The following ATP2A3 variants were observed in gnomAD, a reference collection of about 807,000 sequenced individuals.
ATP2A3 encodes ATPase sarcoplasmic/endoplasmic reticulum Ca2+ transporting 3.
ATP2A3 carries 61 observed loss-of-function variants against 106.8 expected under a neutral mutation model. That is an observed-to-expected ratio of 0.57 (90% CI 0.46 to 0.71). The LOEUF (loss-of-function observed/expected upper bound fraction) is 0.71. Ranked by LOEUF, ATP2A3 falls within the 30% of genes least tolerant of loss-of-function variation. The pLI is 0.00. For synonymous variants in ATP2A3, 611 were observed against 609.3 expected, an observed-to-expected ratio of 1.00 and a Z score of -0.04; for missense variants, 1,201 against 1,423.5, an observed-to-expected ratio of 0.84 and a Z score of 2.52.
Position 3,947,298 on chromosome 17 carries a change from A to T in ATP2A3, c.1095+93T>A. 6.9e-7 allele frequency: 1 copy of T among 1,443,268 alleles called. No individual in the cohort carries two copies. The allele number at this position is 1,443,268 out of a possible 1,614,324, so 89.4% of individuals were successfully genotyped here. A position where few individuals can be genotyped will look rare whatever the true frequency, so the allele number is the denominator to read the frequency against. The stretch of plus-strand genomic sequence containing the variant: ...GGACAGCCCACAGATTCTCTCCTCC[A>T]TCCCTCACTGAAAAGGAGGTGGGGG... On this transcript the variant is annotated intron_variant, in intron 8 of 20. Transcript: ENST00000397041. This position sits in a 1 kb window ranked among gnomAD's most constrained non-coding sequence, Gnocchi z 7.7.
At chr17:3,951,558 G>GCCCCCCCCCAGCCCCCCC in intron 4 of ATP2A3, 23 bp downstream of exon 4, 1 of 716,234 alleles carries the variant, frequency 1.4e-6, no homozygotes, top group Non-Finnish European at 2.1e-6. Flanking sequence ...CCCCCGCCCG[G>GCCCCCCCCCAGCCCCCCC]TCCCACCCCC....
At position 3,924,093 on chromosome 17, in the gene ATP2A3, C is replaced by T. The variant is rs887018627; in HGVS notation, c.*1329G>A. The T allele has an allele frequency of 1.1e-4, 16 of 151,990 alleles. No homozygotes were observed. The highest frequency in any genetic ancestry group is 3.6e-4 in the African/African-American group (15 of 41,358). The allele number at this position is 151,990 out of a possible 1,614,324, so 9.4% of individuals were successfully genotyped here. The stretch of plus-strand genomic sequence containing the variant: ...AGGCGTAGGGGAGGGGGCTACAGAA[C>T]ATGGAGCCCATTGGTCTGCAAGGCA... On this transcript the variant is annotated 3_prime_UTR_variant, in exon 21 of 21. Coordinates refer to ENST00000397041, the MANE Select transcript of ATP2A3 (RefSeq NM_005173.4). This position sits in a 1 kb window ranked among gnomAD's most constrained non-coding sequence, Gnocchi z 6.4.
At position 3,942,827 on chromosome 17, in the gene ATP2A3, C is replaced by T. The variant is rs1293502801; in HGVS notation, c.1420-96G>A. On this transcript the variant is annotated intron_variant, in intron 11 of 20. Transcript: ENST00000397041. ...CTTGGCCCCAAGAGAGCCTCTTGCT[C>T]TGTGTGGGATGACATCTACACTCCT... 2.5e-6 allele frequency: 4 copies of T among 1,570,806 alleles called. No homozygotes were observed. In the African/African-American group the frequency reaches 5.4e-5, roughly 21 times the overall value.
In ATP2A3 at chr17:3,930,641, G is replaced by T. The variant is rs377425047; in HGVS notation, c.2611-207C>A. 1.1e-4 allele frequency: 77 copies of T among 676,510 alleles called. No homozygotes were observed. The East Asian group carries it at 1.5e-3, about 13-fold the overall frequency. The allele number at this position is 676,510 out of a possible 1,614,324, so 41.9% of individuals were successfully genotyped here. On this transcript the variant is annotated intron_variant, in intron 17 of 20. Coordinates refer to ENST00000397041, the MANE Select transcript of ATP2A3 (RefSeq NM_005173.4). The surrounding 1 kb of genome is among the most constrained non-coding windows in gnomAD (Gnocchi z 5.4). ...CTGCACCGTGCCAGGGAGAAGCAAG[G>T]GCACAGCGTGGGAAAGGCAGACGTT... is the stretch of plus-strand genomic sequence containing the variant.
At chr17:3,957,403 C>A (rs2054845201) in intron 1 of ATP2A3, among the ~76,000 whole-genome samples, 1 of 152,168 alleles carries the variant, frequency 6.6e-6, no homozygotes, top group South Asian at 2.1e-4. Context: ...TACCGCTCAC[C>A]CAAGCTCATC....
In ATP2A3 at chr17:3,953,075, C is replaced by T. The variant is rs1041506520; in HGVS notation, c.219+272G>A. 3.9e-5 allele frequency among the ~76,000 whole-genome samples: 6 copies of T among 151,920 alleles called. No homozygotes were observed. The highest frequency in any genetic ancestry group is 9.7e-5 in the African/African-American group (4 of 41,320). ...AACCCTAGGGTACAGCAGGGCGGGG[C>T]GGGGGGCAGATGTGAGTTGGGGAGC... On this transcript the variant is annotated intron_variant, in intron 3 of 20. Transcript: ENST00000397041. This position sits in a 1 kb window ranked among gnomAD's most constrained non-coding sequence, Gnocchi z 5.1.
Position 3,925,175 on chromosome 17 carries a change from G to C in ATP2A3, c.*247C>G, listed in dbSNP as rs551658740. ...CTGCAGCTCCTGGGCCAGAGCTGCA[G>C]AGCAGGGAACTTCCCAGGAGAGTCC... On this transcript the variant is annotated 3_prime_UTR_variant, in exon 21 of 21. Transcript: ENST00000397041. This position sits in a 1 kb window ranked among gnomAD's most constrained non-coding sequence, Gnocchi z 4.2. The C allele has an allele frequency of 4.8e-6, 3 of 620,716 alleles. No individual in the cohort carries two copies. The African/African-American group carries it at 5.5e-5, about 11-fold the overall frequency. The allele number at this position is 620,716 out of a possible 1,614,324, so 38.5% of individuals were successfully genotyped here. A position where few individuals can be genotyped will look rare whatever the true frequency, so the allele number is the denominator to read the frequency against.
At chr17:3,951,182 A>G in intron 5 of ATP2A3, 69 bp downstream of exon 5, 1 of 1,172,054 alleles carries the variant, frequency 8.5e-7, no homozygotes, top group Non-Finnish European at 1.1e-6. Context: ...CAAAAAATAA[A>G]TAAATAAATA....
At chr17:3,938,474 G>T (rs2053568484) in intron 14 of ATP2A3, among the ~76,000 whole-genome samples, 2 of 151,978 alleles carry the variant, frequency 1.3e-5, no homozygotes, top group South Asian at 2.1e-4. Context: ...TCAACATAAA[G>T]CATTACATTG....
Position 3,928,671 on chromosome 17 carries a change from T to C in ATP2A3, c.2972A>G (p.His991Arg). 1 of 1,550,622 alleles carries C rather than the reference T, an allele frequency of 6.4e-7. No homozygotes were observed. The highest frequency in any genetic ancestry group is 1.2e-5 in the South Asian group (1 of 84,048). The change falls in exon 20 of 21, where the codon CAC (histidine) becomes CGC (arginine). Residue 991 changes from histidine to arginine, a missense_variant. Physicochemically the swap from His to Arg is conservative, Grantham distance 29. Coordinates refer to ENST00000397041, the MANE Select transcript of ATP2A3 (RefSeq NM_005173.4). The surrounding 1 kb of genome is among the most constrained non-coding windows in gnomAD (Gnocchi z 6.1). ...CGGGGCCTCCCACTCACCGTGCATG[T>C]GGTTCCGGGACAGGTACTTGAGGGC... ...DEALKYLSRN[H>R]MHEEMSQK
intron 8 of ATP2A3, among the ~76,000 whole-genome samples, chr17:3,946,229 T>G (rs2054106660): frequency 8.1e-6 from 1 of 123,508 alleles, no homozygotes; most frequent in African/African-American, 3.2e-5. Context: ...GGCAACAGAG[T>G]GAGACTCCAT....
At position 3,964,280 on chromosome 17, in the gene ATP2A3, C is replaced by G. The variant is rs1011902685; in HGVS notation, c.12G>C (p.Ala4=). The G allele has an allele frequency of 7.9e-7, 1 of 1,271,222 alleles. No individual in the cohort carries two copies. The highest frequency in any genetic ancestry group is 1.0e-6 in the Non-Finnish European group (1 of 995,192). 78.7% of individuals were successfully genotyped at this position (1,271,222 alleles called of 1,614,324 possible). Residue 4 remains alanine, a synonymous_variant, in exon 1 of 21, where the codon GCG becomes GCC. Transcript: ENST00000397041. MEA[A]HLLPAADVLR... ...GCACGTCGGCGGCCGGGAGCAGATG[C>G]GCCGCCTCCATGCCGCCCGCCCGGC...
Position 3,942,658 on chromosome 17 carries a change from C to T in ATP2A3, c.1493G>A (p.Cys498Tyr). 6.2e-7 allele frequency: 1 copy of T among 1,613,494 alleles called. No homozygotes were observed. The highest frequency in any genetic ancestry group is 1.3e-5 in the African/African-American group (1 of 75,024). ...SRDRKSMSVY[C>Y]TPTRPHPTGQ... ...AGTAGGGTGAGGGCGGGTGGGCGTG[C>T]AGTACACGGACATGGATTTCCGGTC... The change falls in exon 12 of 21, where the codon TGC becomes TAC. Residue 498 changes from cysteine (C) to tyrosine (Y), a missense_variant. Physicochemically the swap from Cys to Tyr is radical, Grantham distance 194. This residue lies in a region of ATP2A3 where 935 missense variants were observed against 1,176.7 expected (regional missense o/e 0.79). Transcript: ENST00000397041.
In ATP2A3 at chr17:3,953,287, G is replaced by T; in HGVS notation, c.219+60C>A. ...CTCCAGGACCTCGGAGCACTGCCCA[G>T]CCTGGCTCTCCCTCCAGGGCTACCG... On this transcript the variant is annotated intron_variant, in intron 3 of 20. Coordinates refer to ENST00000397041, the MANE Select transcript of ATP2A3 (RefSeq NM_005173.4). The surrounding 1 kb of genome is among the most constrained non-coding windows in gnomAD (Gnocchi z 5.1). 6.3e-7 allele frequency: 1 copy of T among 1,575,494 alleles called. No individual in the cohort carries two copies. Among genetic ancestry groups the T allele is most frequent in the Non-Finnish European group, 8.7e-7 (1 of 1,145,566 alleles).
At chr17:3,948,957 C>T (rs554369332) in intron 7 of ATP2A3, among the ~76,000 whole-genome samples, 5 of 152,060 alleles carry the variant, frequency 3.3e-5, no homozygotes, top group African/African-American at 7.2e-5. Context: ...GGTGAAACCC[C>T]GTCTCTAGTA....
rs1250916791 is a variant in ATP2A3, at chr17:3,926,175, A to G, written c.2981-734T>C. On this transcript the variant is annotated intron_variant, in intron 20 of 20. Coordinates refer to ENST00000397041, the MANE Select transcript of ATP2A3 (RefSeq NM_005173.4). This position sits in a 1 kb window ranked among gnomAD's most constrained non-coding sequence, Gnocchi z 4.6. ...TCTCCCCAGGACACATCCCTCGTAA[A>G]TGACATAAATCACGGGGAAGCCACA... Among the ~76,000 whole-genome samples the G allele has an allele frequency of 6.6e-6, 1 of 152,124 alleles. No homozygotes were observed. Among genetic ancestry groups the G allele is most frequent in the African/African-American group, 2.4e-5 (1 of 41,424 alleles).
At position 3,930,042 on chromosome 17, in the gene ATP2A3, A is replaced by G. The variant is rs182300539; in HGVS notation, c.2744+259T>C. 1.7e-5 allele frequency among the ~76,000 whole-genome samples: 2 copies of G among 120,844 alleles called. No individual in the cohort carries two copies. Among genetic ancestry groups the G allele is most frequent in the African/African-American group, 6.5e-5 (2 of 30,750 alleles). 79.3% of individuals were successfully genotyped at this position (120,844 alleles called of 152,430 possible). A position where few individuals can be genotyped will look rare whatever the true frequency, so the allele number is the denominator to read the frequency against. On this transcript the variant is annotated intron_variant, in intron 18 of 20. Transcript: ENST00000397041. This position sits in a 1 kb window ranked among gnomAD's most constrained non-coding sequence, Gnocchi z 5.4. ...GGACCCCAATCCTGGACCCCCTTGA[A>G]CCTCTGATCCCAATCCTGAACCCCC...
intron 4 of ATP2A3, 38 bp downstream of exon 4, chr17:3,951,543 A>ACCCCCCC (rs56224024): frequency 4.0e-4 from 553 of 1,388,286 alleles, no homozygotes; most frequent in Middle Eastern, 5.1e-4. Flanking sequence ...TGGCTGGGAG[A>ACCCCCCC]CCGCCCCCCG....
At chr17:3,944,908 GC>G (rs55652543) in intron 9 of ATP2A3, 102 bp from the exon 10 acceptor site, 252,434 of 1,313,818 alleles carry the variant, frequency 0.19, 24,284 homozygotes, top group Middle Eastern at 0.28. Flanking sequence ...TCTTGGCCCC[GC>G]CCCCAGAAGG....
Sources: gnomAD v4.1 joint callset for allele counts (sites outside exome capture counted in the v4.1 genomes callset) on GRCh38, gnomAD v4.1.1 for gene constraint, gnomAD v4.1.1 regional missense constraint, Gnocchi (gnomAD v3.1) non-coding constraint, MANE v1.5 for transcripts, NCBI Gene and HGNC (gene_info 2026-07-23, HGNC 2026-07-21) for gene names.